The following DIAPH2 variants were observed in gnomAD, a reference collection of about 807,000 sequenced individuals.
The protein encoded by DIAPH2 is diaphanous related formin 2, also known as protein diaphanous homolog 2.
In DIAPH2, 35 loss-of-function variants were observed where a neutral mutation model predicts 92.7. The ratio of observed to expected loss-of-function variants is 0.38; its 90% CI spans 0.29 to 0.50. The LOEUF (loss-of-function observed/expected upper bound fraction) is 0.50, where lower values mean the gene tolerates loss of function less well. Among genes scored for constraint, DIAPH2 ranks in the 20% least tolerant of loss-of-function variants. The probability of loss-of-function intolerance (pLI) is 0.94; values close to 1 mark genes in which losing one functional copy is unlikely to be tolerated. For synonymous variants in DIAPH2, 301 were observed against 280.4 expected, an observed-to-expected ratio of 1.07 and a Z score of -0.73; for missense variants, 701 against 819.5, an observed-to-expected ratio of 0.86 and a Z score of 1.77.
At chrX:96,837,806 A>T (rs2147698319) in intron 4 of DIAPH2, among the ~76,000 whole-genome samples, 1 of 111,502 alleles carries the variant, frequency 9.0e-6, no homozygotes, top group East Asian at 2.8e-4. Context: ...CTATATTTAG[A>T]TTGTTCATGT....
Position 97,239,844 on chromosome X carries a change from C to CTCTCTT in DIAPH2, c.2720-7866_2720-7865insTTCTCT, listed in dbSNP as rs766722489. ...CAACCTCTAGTAAAAATCTCTCTCT[C>CTCTCTT]TCTCTCTCTCTCTCTTTCTCTCTCT... is the stretch of plus-strand genomic sequence containing the variant. On this transcript the variant is annotated intron_variant, in intron 22 of 26. Coordinates refer to ENST00000324765, the MANE Select transcript of DIAPH2 (RefSeq NM_006729.5). Among the ~76,000 whole-genome samples, 13 of 108,572 alleles carry CTCTCTT rather than the reference C, an allele frequency of 1.2e-4. No homozygotes were observed. The South Asian group carries it at 5.3e-3, about 44-fold the overall frequency. 94.3% of individuals were successfully genotyped at this position (108,572 alleles called of 115,157 possible).
At chrX:97,432,146 A>T (rs1054726287) in intron 26 of DIAPH2, among the ~76,000 whole-genome samples, 1 of 112,054 alleles carries the variant, frequency 8.9e-6, no homozygotes, top group Non-Finnish European at 1.9e-5. Context: ...AAAAAACACT[A>T]AAATCAGAGT....
intron 23 of DIAPH2, among the ~76,000 whole-genome samples, chrX:97,310,454 CAGAGGGA>C (rs1170857041): frequency 4.5e-5 from 5 of 111,775 alleles, no homozygotes; most frequent in Admixed American, 1.9e-4. Context: ...TTAGATAGCA[CAGAGGGA>C]AAGCCTTATT....
At chrX:96,923,572 G>A (rs905262092) in intron 9 of DIAPH2, among the ~76,000 whole-genome samples, 3 of 111,512 alleles carry the variant, frequency 2.7e-5, no homozygotes, top group Admixed American at 9.5e-5. Context: ...TTATCTTTAC[G>A]AACCCAATTA....
intron 22 of DIAPH2, among the ~76,000 whole-genome samples, chrX:97,229,235 A>G (rs1240141824): frequency 1.8e-5 from 2 of 112,135 alleles, no homozygotes; most frequent in African/African-American, 3.2e-5. Context: ...TCTGTAACCT[A>G]TGGTAGCTCT....
intron 23 of DIAPH2, among the ~76,000 whole-genome samples, chrX:97,294,789 C>T (rs1014343385): frequency 8.9e-6 from 1 of 111,762 alleles, no homozygotes; most frequent in African/African-American, 3.2e-5. Flanking sequence ...CTAATATTTA[C>T]GGAGTTCCAG....
chrX:97,275,223 A>C (rs1372548803), intron 23 of DIAPH2, among the ~76,000 whole-genome samples: 1 of 100,157 alleles, frequency 1.0e-5, no homozygotes, highest in South Asian at 5.0e-4. Context: ...GCGGCCGGGC[A>C]GAGGTGCCCC....
At chrX:97,226,605 C>T (rs12558301) in intron 22 of DIAPH2, among the ~76,000 whole-genome samples, 48,770 of 109,484 alleles carry the variant, frequency 0.45, 9,022 homozygotes, top group Non-Finnish European at 0.59. Flanking sequence ...GAACTCCTGA[C>T]CTCAGGTGAT....
chrX:97,444,853 C>G (rs2070293096), intron 26 of DIAPH2, among the ~76,000 whole-genome samples: 1 of 111,817 alleles, frequency 8.9e-6, no homozygotes, highest in Non-Finnish European at 1.9e-5. Context: ...CAAATTTAAA[C>G]AAACTCTTTT....
intron 22 of DIAPH2, among the ~76,000 whole-genome samples, chrX:97,209,389 C>G (rs1286902509): frequency 9.0e-6 from 1 of 110,743 alleles, no homozygotes; most frequent in Non-Finnish European, 1.9e-5. Context: ...TGCCCAAATT[C>G]AATAAAATAT....
intron 26 of DIAPH2, among the ~76,000 whole-genome samples, chrX:97,517,490 G>A (rs746397780): frequency 9.0e-6 from 1 of 111,192 alleles, no homozygotes; most frequent in Non-Finnish European, 1.9e-5. Flanking sequence ...CTAAAGGGAG[G>A]GAAAAAAGTC....
intron 23 of DIAPH2, among the ~76,000 whole-genome samples, chrX:97,296,452 C>T (rs985494092): frequency 1.2e-4 from 13 of 111,568 alleles, no homozygotes; most frequent in African/African-American, 4.2e-4. Context: ...ATACATTATC[C>T]TGTGTACATG....
intron 4 of DIAPH2, among the ~76,000 whole-genome samples, chrX:96,872,505 T>A (rs2065150581): frequency 9.4e-6 from 1 of 106,380 alleles, no homozygotes; most frequent in African/African-American, 3.4e-5. Flanking sequence ...TTTTTTTTTT[T>A]TTTTGAGATG....
At chrX:97,285,383 CAAAAA>C (rs11336007) in intron 23 of DIAPH2, among the ~76,000 whole-genome samples, 12 of 38,116 alleles carry the variant, frequency 3.1e-4, no homozygotes, top group African/African-American at 1.2e-3. Context: ...ACTAAAAATA[CAAAAA>C]AAAAAAAAAA....
At chrX:97,554,002 A>T (rs1190799499) in intron 26 of DIAPH2, among the ~76,000 whole-genome samples, 2 of 111,811 alleles carry the variant, frequency 1.8e-5, no homozygotes, top group Non-Finnish European at 1.9e-5. Flanking sequence ...GTATGTGCAT[A>T]TATTAATATA....
chrX:97,336,201 T>C (rs1414938459), intron 23 of DIAPH2, among the ~76,000 whole-genome samples: 2 of 110,321 alleles, frequency 1.8e-5, no homozygotes, highest in African/African-American at 6.6e-5. Context: ...TATACATTCT[T>C]ATAACAACTT....
In DIAPH2 at chrX:97,397,578, G is replaced by T. The variant is rs755651798; in HGVS notation, c.3145+13534G>T. On this transcript the variant is annotated intron_variant, in intron 25 of 26. Transcript: ENST00000324765. ...CCTTTTACATCCGTGTGGTTCTGTGGTATAAGATAACCACATTCTCAGAGT... is the reference window on the plus strand; with the variant it reads ...CCTTTTACATCCGTGTGGTTCTGTGTTATAAGATAACCACATTCTCAGAGT... Among the ~76,000 whole-genome samples the T allele has an allele frequency of 3.6e-5, 4 of 112,011 alleles. No homozygotes were observed. The South Asian group carries it at 1.5e-3, about 42-fold the overall frequency.
At chrX:97,060,297 G>A (rs2066588548) in intron 17 of DIAPH2, among the ~76,000 whole-genome samples, 1 of 112,401 alleles carries the variant, frequency 8.9e-6, no homozygotes, top group Admixed American at 9.4e-5. Context: ...GAGTCAGCAG[G>A]TTGCTGTCCT....
Position 97,296,048 on chromosome X carries a change from C to T in DIAPH2, c.2844+48209C>T, listed in dbSNP as rs781547134. 3.6e-5 allele frequency among the ~76,000 whole-genome samples: 4 copies of T among 111,374 alleles called. No homozygotes were observed. In the South Asian group the frequency reaches 1.5e-3, roughly 42 times the overall value. ...TACGCAGCCATATTTTCTTCTTTTA[C>T]AATGTATTTGTTCCCATCTAGTCAC... On this transcript the variant is annotated intron_variant, in intron 23 of 26. Transcript: ENST00000324765.
Sources: gnomAD v4.1 joint callset for allele counts (sites outside exome capture counted in the v4.1 genomes callset) on GRCh38, gnomAD v4.1.1 for gene constraint, MANE v1.5 for transcripts, NCBI Gene and HGNC (gene_info 2026-07-23, HGNC 2026-07-21) for gene names.